Variants in ST3GAL3 observed in about 807,000 individuals in gnomAD.
ST3GAL3 encodes the protein CMP-N-acetylneuraminate-beta-1,4-galactoside alpha-2,3-sialyltransferase.
A neutral mutation model predicts 50.1 loss-of-function variants in ST3GAL3; 21 were observed. The observed-to-expected ratio is 0.42, with a 90% CI of 0.30 to 0.60. The LOEUF is 0.60. ST3GAL3 is among the 20% of genes least tolerant of loss of function. The pLI is 0.19. For synonymous variants in ST3GAL3, 183 were observed against 190.0 expected (o/e 0.96, Z 0.30); for missense variants, 353 against 489.4 (o/e 0.72, Z 2.63).
intron 5 of ST3GAL3, among the ~76,000 whole-genome samples, chr1:43,853,407 G>A (rs2067720081): frequency 6.6e-6 from 1 of 152,132 alleles, no homozygotes; most frequent in African/African-American, 2.4e-5. Context: ...ACCCTTGTTA[G>A]TCCAGTTCTA....
At chr1:43,911,986 C>T (rs1357678351) in intron 9 of ST3GAL3, 4 of 152,150 alleles carry the variant, frequency 2.6e-5, no homozygotes, top group Non-Finnish European at 5.9e-5. Context: ...TGATAGCTTG[C>T]CTCATAACTT....
intron 5 of ST3GAL3, among the ~76,000 whole-genome samples, chr1:43,849,310 G>A (rs1225968201): frequency 1.3e-5 from 2 of 151,132 alleles, no homozygotes; most frequent in African/African-American, 2.4e-5. Context: ...TAAATTCAAG[G>A]TTTTGATTTC....
intron 2 of ST3GAL3, among the ~76,000 whole-genome samples, chr1:43,788,814 G>T (rs557022379): frequency 5.9e-5 from 9 of 152,266 alleles, no homozygotes; most frequent in African/African-American, 2.2e-4. Context: ...AAGGATTATA[G>T]TGCAGTATAA....
chr1:43,926,361 G>A (rs888203276), intron 11 of ST3GAL3, among the ~76,000 whole-genome samples: 2 of 152,212 alleles, frequency 1.3e-5, no homozygotes, highest in African/African-American at 4.8e-5. Flanking sequence ...GGCCAAGGCG[G>A]ATGGATCATC....
intron 2 of ST3GAL3, among the ~76,000 whole-genome samples, chr1:43,768,786 C>T (rs568206861): frequency 6.6e-6 from 1 of 152,318 alleles, no homozygotes; most frequent in African/African-American, 2.4e-5. Flanking sequence ...GAACTTCAAA[C>T]CCAGAGGGCT....
intron 5 of ST3GAL3, among the ~76,000 whole-genome samples, chr1:43,876,052 C>G (rs1438577146): frequency 6.6e-6 from 1 of 151,616 alleles, no homozygotes; most frequent in South Asian, 2.1e-4. Context: ...ACTGCAGCCT[C>G]GACATTCCAG....
At chr1:43,832,757 G>A (rs531877802) in intron 4 of ST3GAL3, among the ~76,000 whole-genome samples, 21 of 152,280 alleles carry the variant, frequency 1.4e-4, no homozygotes, top group African/African-American at 5.1e-4. Context: ...GATTACTCAA[G>A]CTAGGCGAAG....
chr1:43,749,381 G>A (rs1685132419), intron 2 of ST3GAL3, among the ~76,000 whole-genome samples: 1 of 152,146 alleles, frequency 6.6e-6, no homozygotes, highest in Non-Finnish European at 1.5e-5. Context: ...CACATGCTGG[G>A]AAAAATATTG....
rs368388391 is a variant in ST3GAL3 at position 43,850,461 on chromosome 1, A to G, written c.302+12150A>G. 4 of 598,196 alleles carry G rather than the reference A, an allele frequency of 6.7e-6. No homozygotes were observed. The African/African-American group carries it at 7.3e-5, about 11-fold the overall frequency. 37.1% of individuals were successfully genotyped at this position (598,196 alleles called of 1,614,324 possible). On this transcript the variant is annotated intron_variant, in intron 5 of 11. Coordinates refer to ENST00000347631, the MANE Select transcript of ST3GAL3 (RefSeq NM_006279.5). Reference sequence around the variant, plus strand: ...GCTCTGGATCTGCAGGGTTAGCTCTATCCCTCTGTGGATAAAGTGGGCTAC... The same window carrying G: ...GCTCTGGATCTGCAGGGTTAGCTCTGTCCCTCTGTGGATAAAGTGGGCTAC...
chr1:43,926,586 C>A (rs1207155776), intron 11 of ST3GAL3, among the ~76,000 whole-genome samples: 1 of 144,748 alleles, frequency 6.9e-6, no homozygotes, highest in Non-Finnish European at 1.5e-5. Flanking sequence ...GCCTCGGCAA[C>A]AAGAGTGAAA....
chr1:43,734,547 C>G (rs1438789846), intron 1 of ST3GAL3, among the ~76,000 whole-genome samples: 2 of 152,072 alleles, frequency 1.3e-5, no homozygotes, highest in Non-Finnish European at 2.9e-5. Flanking sequence ...AGGGCTCAAG[C>G]AGTTCTCCTG....
chr1:43,732,772 C>T (rs1378174687), intron 1 of ST3GAL3, among the ~76,000 whole-genome samples: 3 of 151,936 alleles, frequency 2.0e-5, no homozygotes, highest in African/African-American at 7.3e-5. Flanking sequence ...TGTACATGTC[C>T]TTTTTAATAT....
intron 2 of ST3GAL3, among the ~76,000 whole-genome samples, chr1:43,788,676 T>C (rs1303929929): frequency 6.6e-6 from 1 of 152,232 alleles, no homozygotes; most frequent in East Asian, 1.9e-4. Context: ...GCTTATTTCT[T>C]AGTTGAATAA....
chr1:43,860,998 C>T (rs3828142), intron 5 of ST3GAL3, among the ~76,000 whole-genome samples: 7,848 of 152,186 alleles, frequency 0.052, 241 homozygotes, highest in East Asian at 0.13. Context: ...CTGGCCTCAC[C>T]GCTGTTTCAC....
At chr1:43,758,157 A>C (rs1572244799) in intron 2 of ST3GAL3, among the ~76,000 whole-genome samples, 1 of 141,074 alleles carries the variant, frequency 7.1e-6, no homozygotes, top group Non-Finnish European at 1.6e-5. Context: ...CATTGGCTGC[A>C]TACCACCCCC....
chr1:43,884,450 T>G (rs1200510922), intron 5 of ST3GAL3, among the ~76,000 whole-genome samples: 4 of 152,210 alleles, frequency 2.6e-5, no homozygotes, highest in South Asian at 4.1e-4. Flanking sequence ...ATTACTTGCT[T>G]AGACATACAC....
Position 43,756,891 on chromosome 1 carries a change from A to G in ST3GAL3, c.118+20511A>G, listed in dbSNP as rs368335163. On this transcript the variant is annotated intron_variant, in intron 2 of 11. Coordinates refer to ENST00000347631, the MANE Select transcript of ST3GAL3 (RefSeq NM_006279.5). ...GGTCAGAAGACCTATTAATGTTACT[A>G]AATCTCCCCAATGTGTTTTATTTTA... 2.3e-3 allele frequency among the ~76,000 whole-genome samples: 355 copies of G among 152,164 alleles called. 16 individuals carry two copies. The South Asian group carries it at 0.071, about 30-fold the overall frequency.
At chr1:43,822,698 A>T (rs142948205) in intron 4 of ST3GAL3, among the ~76,000 whole-genome samples, 1 of 152,128 alleles carries the variant, frequency 6.6e-6, no homozygotes, top group African/African-American at 2.4e-5. Flanking sequence ...GGTACTTTCT[A>T]TGTTACCTGT....
intron 4 of ST3GAL3, among the ~76,000 whole-genome samples, chr1:43,833,611 T>G (rs1228000316): frequency 6.6e-6 from 1 of 152,168 alleles, no homozygotes; most frequent in Non-Finnish European, 1.5e-5. Flanking sequence ...TTAAAAGACA[T>G]GCCCCAAATC....
Sources: gnomAD v4.1 joint callset for allele counts (sites outside exome capture counted in the v4.1 genomes callset) on GRCh38, gnomAD v4.1.1 for gene constraint, MANE v1.5 for transcripts, NCBI Gene and HGNC (gene_info 2026-07-23, HGNC 2026-07-21) for gene names.